The following NXPE4 variants were observed in gnomAD, a reference collection of about 807,000 sequenced individuals.
The protein encoded by NXPE4 is neurexophilin and PC-esterase domain family member 4.
Under a neutral mutation model 33.3 loss-of-function variants are expected in NXPE4, and 42 were observed. The observed-to-expected ratio is 1.26, with a 90% CI of 0.98 to 1.63. The LOEUF (loss-of-function observed/expected upper bound fraction) is 1.63, where lower values mean the gene tolerates loss of function less well. NXPE4 is among the 40% of genes most tolerant of loss of function. NXPE4 has a pLI of 0.00. For synonymous variants in NXPE4, 253 were observed against 234.9 expected (o/e 1.08, Z -0.71); for missense variants, 709 against 647.6 (o/e 1.09, Z -1.03).
chr11:114,582,300 CTCTTT>C lies in NXPE4; in HGVS notation c.813_817del (p.Lys272ProfsTer3). 1 of 1,574,396 alleles carries C rather than the reference CTCTTT, an allele frequency of 6.4e-7. No homozygotes were observed. Among genetic ancestry groups the C allele is most frequent in the Non-Finnish European group, 8.6e-7 (1 of 1,162,174 alleles). ...TAATTATTTTTACCTTTCAAAGAGG[CTCTTT>C]TCTTGTTTGCTAAGATAAGAAACTT... On this transcript the variant is annotated frameshift_variant, in exon 3 of 6. Transcript: ENST00000375478. LOFTEE classifies it high-confidence loss of function.
intron 2 of NXPE4, chr11:114,584,371 C>T: frequency 5.4e-6 from 2 of 369,616 alleles, no homozygotes; most frequent in Middle Eastern, 8.3e-4. Flanking sequence ...CCTAGTAATG[C>T]AGGCCCATCC....
chr11:114,633,217 T>C, the NXPE4 span, among the ~76,000 whole-genome samples: 36 of 133,304 alleles, frequency 2.7e-4, no homozygotes, highest in African/African-American at 8.2e-4. Flanking sequence ...TATATTACAT[T>C]ATATATATAA....
chr11:114,582,794 T>G lies in NXPE4; in HGVS notation c.324A>C (p.Arg108=). ...GCTGGTCTCCCCTGCAGTACGTATC[T>G]CGAGGGTTGAGGATGGTGGCTGTGC... is the stretch of plus-strand genomic sequence containing the variant. ...THSTATILNP[R]DTYCRGDQLH... is the part of the protein sequence containing the mutation. The change falls in exon 3 of 6, where the codon CGA becomes CGC. Residue 108 remains arginine, a synonymous_variant. Transcript: ENST00000375478. 1.9e-6 allele frequency: 3 copies of G among 1,614,086 alleles called. No homozygotes were observed. Among genetic ancestry groups the G allele is most frequent in the Non-Finnish European group, 2.5e-6 (3 of 1,179,972 alleles).
the NXPE4 span, among the ~76,000 whole-genome samples, chr11:114,614,845 G>T: frequency 6.6e-6 from 1 of 151,804 alleles, no homozygotes; most frequent in African/African-American, 2.4e-5. Context: ...GATAACAAGT[G>T]TTGCCTTATG....
Position 114,570,956 on chromosome 11 carries a change from T to C in NXPE4, c.1617A>G (p.Leu539=). The change falls in exon 6 of 6, where the codon TTA becomes TTG. Residue 539 remains leucine, a synonymous_variant. Transcript: ENST00000375478. ...QHVVGNQINI[L]LNYIC is the part of the protein sequence containing the mutation. ...GTGTTATTTAACAAATATAGTTTAA[T>C]AATATATTAATCTGATTTCCGACTA... The C allele has an allele frequency of 6.3e-7, 1 of 1,595,528 alleles. No individual in the cohort carries two copies. Among genetic ancestry groups the C allele is most frequent in the Non-Finnish European group, 8.5e-7 (1 of 1,169,710 alleles).
chr11:114,632,261 A>T, the NXPE4 span, among the ~76,000 whole-genome samples: 1 of 139,226 alleles, frequency 7.2e-6, no homozygotes, highest in African/African-American at 2.6e-5. Context: ...TATATGTATA[A>T]TATATATGTA....
chr11:114,637,840 G>T, the NXPE4 span, among the ~76,000 whole-genome samples: 1 of 152,026 alleles, frequency 6.6e-6, no homozygotes, highest in Non-Finnish European at 1.5e-5. Context: ...TCTGCTGTTA[G>T]TCTGATGGGC....
At chr11:114,667,703 C>T in the NXPE4 span, among the ~76,000 whole-genome samples, 5 of 152,050 alleles carry the variant, frequency 3.3e-5, no homozygotes, top group East Asian at 1.9e-4. Flanking sequence ...TGCTAACAGA[C>T]AGCAAAGAAC....
the NXPE4 span, among the ~76,000 whole-genome samples, chr11:114,633,696 T>C: frequency 6.7e-6 from 1 of 149,608 alleles, no homozygotes; most frequent in Non-Finnish European, 1.5e-5. Context: ...TTCCCACCTA[T>C]GAGTGAGAAC....
chr11:114,649,294 G>A, the NXPE4 span, among the ~76,000 whole-genome samples: 1 of 152,116 alleles, frequency 6.6e-6, no homozygotes, highest in African/African-American at 2.4e-5. Flanking sequence ...CATGTTCTTA[G>A]AAGCATTATT....
At chr11:114,602,695 TA>T in the NXPE4 span, among the ~76,000 whole-genome samples, 1 of 139,056 alleles carries the variant, frequency 7.2e-6, no homozygotes, top group Non-Finnish European at 1.5e-5. Context: ...AATTATCTCA[TA>T]TATAATAATT....
At chr11:114,661,296 C>T in the NXPE4 span, among the ~76,000 whole-genome samples, 6 of 152,080 alleles carry the variant, frequency 3.9e-5, no homozygotes, top group East Asian at 1.9e-4. Context: ...AATAATCAAT[C>T]GGTTTTGTAA....
the NXPE4 span, among the ~76,000 whole-genome samples, chr11:114,670,621 G>A: frequency 6.6e-6 from 1 of 151,986 alleles, no homozygotes; most frequent in South Asian, 2.1e-4. Context: ...GAACCCAGGA[G>A]TTCAAAGTTA....
At chr11:114,633,692 C>G in the NXPE4 span, among the ~76,000 whole-genome samples, 5 of 151,070 alleles carry the variant, frequency 3.3e-5, no homozygotes, top group African/African-American at 9.7e-5. Context: ...TCAATTCCCA[C>G]CTATGAGTGA....
At chr11:114,643,383 G>C in the NXPE4 span, among the ~76,000 whole-genome samples, 5 of 152,152 alleles carry the variant, frequency 3.3e-5, no homozygotes, top group South Asian at 1.0e-3. Context: ...TGTTTTTATA[G>C]CTTTAGGTCT....
At chr11:114,666,729 A>T in the NXPE4 span, among the ~76,000 whole-genome samples, 1 of 152,106 alleles carries the variant, frequency 6.6e-6, no homozygotes, top group African/African-American at 2.4e-5. Flanking sequence ...TGGCATATGC[A>T]TGTGAGAAGC....
At chr11:114,598,001 T>A (rs1391114766), upstream of NXPE4, among the ~76,000 whole-genome samples, 1 of 152,054 alleles carries the variant, frequency 6.6e-6, no homozygotes, top group African/African-American at 2.4e-5. Context: ...ACAAGGTAAG[T>A]CCCTTCCACC....
At chr11:114,673,254 G>T in the NXPE4 span, among the ~76,000 whole-genome samples, 6 of 151,102 alleles carry the variant, frequency 4.0e-5, no homozygotes, top group Admixed American at 6.6e-5. Context: ...AATCACAAGG[G>T]AAATCAGAAT....
chr11:114,607,642 G>A, the NXPE4 span, among the ~76,000 whole-genome samples: 13 of 151,324 alleles, frequency 8.6e-5, no homozygotes, highest in Middle Eastern at 3.5e-3. Context: ...GTTGCCTCGC[G>A]GTTAACCACT....
Sources: allele counts gnomAD v4.1 joint callset (sites outside exome capture counted in the v4.1 genomes callset), GRCh38; gene constraint gnomAD v4.1.1; transcripts MANE v1.5; gene names NCBI Gene and HGNC (gene_info 2026-07-23, HGNC 2026-07-21).